Variants in ZDHHC11B observed in about 807,000 individuals in gnomAD.
ZDHHC11B encodes the protein probable palmitoyltransferase ZDHHC11B.
ZDHHC11B carries 17 observed loss-of-function variants against 42.3 expected under a neutral mutation model. The observed-to-expected ratio is 0.40, with a 90% CI of 0.27 to 0.60. The LOEUF is 0.60. Among genes scored for constraint, ZDHHC11B ranks in the 20% least tolerant of loss-of-function variants. The pLI, the probability that ZDHHC11B is intolerant of heterozygous loss-of-function variation, is 0.41. For synonymous variants in ZDHHC11B, 123 were observed against 193.5 expected (o/e 0.64, Z 3.02); for missense variants, 262 against 463.2 (o/e 0.57, Z 3.99).
At chr5:717,327 A>G (rs1176084182) in intron 12 of ZDHHC11B, among the ~76,000 whole-genome samples, 3 of 151,686 alleles carry the variant, frequency 2.0e-5, no homozygotes, top group Admixed American at 1.3e-4. Context: ...CTCTGCCCTG[A>G]TGTTACACTA....
intron 3 of ZDHHC11B, 78 bp from the exon 4 acceptor site, chr5:766,997 G>A (rs769433238): frequency 1.1e-5 from 17 of 1,507,320 alleles, no homozygotes; most frequent in African/African-American, 4.1e-5. Flanking sequence ...GGGAGACCAC[G>A]GGGACTGGGA....
rs533908584 is a variant in ZDHHC11B at position 756,191 on chromosome 5, A to G, written c.223-47T>C. 13 of 1,446,644 alleles carry G rather than the reference A, an allele frequency of 9.0e-6. No homozygotes were observed. In the African/African-American group the frequency reaches 1.8e-4, roughly 20 times the overall value. 89.6% of individuals were successfully genotyped at this position (1,446,644 alleles called of 1,614,324 possible). On this transcript the variant is annotated intron_variant, in intron 4 of 13. Coordinates refer to ENST00000508859, the MANE Select transcript of ZDHHC11B (RefSeq NM_001351303.2). The stretch of plus-strand genomic sequence containing the variant: ...TGGCCCAGGGCCTGGTCAGCCTGGC[A>G]TGAGGCGTCCCCGTGAGGCCCAAGG...
chr5:733,863 G>C, intron 10 of ZDHHC11B, 24 bp from the exon 11 acceptor site: 3 of 1,590,944 alleles, frequency 1.9e-6, no homozygotes, highest in Non-Finnish European at 2.6e-6. Context: ...AAGGAGGAGA[G>C]AAACTCATCT....
chr5:737,863 T>G (rs1390510764), intron 10 of ZDHHC11B, among the ~76,000 whole-genome samples: 3 of 142,342 alleles, frequency 2.1e-5, no homozygotes, highest in African/African-American at 7.9e-5. Context: ...TGGGGAAAAG[T>G]TGAAAACATT....
At position 777,695 on chromosome 5, in the gene ZDHHC11B, T is replaced by C. The variant is rs12516738; in HGVS notation, c.-230+6973A>G. 2.2e-4 allele frequency among the ~76,000 whole-genome samples: 33 copies of C among 151,894 alleles called. 1 individual carries two copies. Among genetic ancestry groups the C allele is most frequent in the Non-Finnish European group, 4.6e-4 (31 of 67,880 alleles). On this transcript the variant is annotated intron_variant, in intron 1 of 13. Coordinates refer to ENST00000508859, the MANE Select transcript of ZDHHC11B (RefSeq NM_001351303.2). Reference sequence around the variant, plus strand: ...TTTTGACAGAGTGCTGATTGGTGCATTGACAAGCCTTTAGCTAGACATAAA... The same window carrying C: ...TTTTGACAGAGTGCTGATTGGTGCACTGACAAGCCTTTAGCTAGACATAAA...
rs1741325236 is a variant in ZDHHC11B at position 711,018 on chromosome 5, T to A, written c.*1272A>T. On this transcript the variant is annotated 3_prime_UTR_variant, in exon 14 of 14. Transcript: ENST00000508859. Reference sequence around the variant, plus strand: ...TTTCCCAGTACTGTGAGCTCCCATTTCTCAGCGCTGTGCTCCCAATTCCCA... The same window carrying A: ...TTTCCCAGTACTGTGAGCTCCCATTACTCAGCGCTGTGCTCCCAATTCCCA... The A allele has an allele frequency of 6.7e-6, 1 of 149,984 alleles. No individual in the cohort carries two copies. Among genetic ancestry groups the A allele is most frequent in the Non-Finnish European group, 1.5e-5 (1 of 67,970 alleles). 9.3% of individuals were successfully genotyped at this position (149,984 alleles called of 1,614,324 possible).
intron 4 of ZDHHC11B, among the ~76,000 whole-genome samples, chr5:763,370 C>CG (rs138298165): frequency 0.31 from 42,984 of 136,880 alleles, 5,182 homozygotes; most frequent in South Asian, 0.44. Context: ...ACTCCCATCT[C>CG]GGGAAAAAAA....
rs201155503 is a variant in ZDHHC11B, at chr5:741,159, G to A, written c.935+435C>T. 2.8e-3 allele frequency among the ~76,000 whole-genome samples: 350 copies of A among 125,416 alleles called. No homozygotes were observed. In the East Asian group the frequency reaches 0.083, roughly 30 times the overall value. The allele number at this position is 125,416 out of a possible 152,430, so 82.3% of individuals were successfully genotyped here. ...CCCTGGCCCTGTTGGGTGGGGCTCC[G>A]GGTCAAGGCACCCCCAGTGCTCCCA... On this transcript the variant is annotated intron_variant, in intron 10 of 13. Transcript: ENST00000508859.
At chr5:775,557 G>A (rs1736404448) in intron 1 of ZDHHC11B, among the ~76,000 whole-genome samples, 1 of 151,900 alleles carries the variant, frequency 6.6e-6, no homozygotes, top group East Asian at 1.9e-4. Context: ...TGTTAACTCA[G>A]GTTCCCAGGA....
intron 6 of ZDHHC11B, among the ~76,000 whole-genome samples, chr5:753,716 C>T (rs1198785510): frequency 6.7e-6 from 1 of 148,484 alleles, no homozygotes; most frequent in Non-Finnish European, 1.5e-5. Flanking sequence ...AGCCTCTGGA[C>T]TCGCTGTGCG....
chr5:778,032 G>C (rs950526745), intron 1 of ZDHHC11B, among the ~76,000 whole-genome samples: 1 of 151,932 alleles, frequency 6.6e-6, no homozygotes, highest in Non-Finnish European at 1.5e-5. Flanking sequence ...AGTGCTGGGG[G>C]ACCCGGCGCA....
chr5:727,819 G>A (rs1241793493), intron 12 of ZDHHC11B, among the ~76,000 whole-genome samples: 16 of 150,586 alleles, frequency 1.1e-4, no homozygotes, highest in African/African-American at 3.7e-4. Context: ...TATAAGGAAA[G>A]TCAAAACAGA....
intron 4 of ZDHHC11B, 112 bp from the exon 5 acceptor site, chr5:756,256 C>T (rs1205539796): frequency 6.8e-7 from 1 of 1,464,962 alleles, no homozygotes; most frequent in African/African-American, 1.5e-5. Flanking sequence ...CCTGCTCACC[C>T]AGCCCTGCAC....
rs536553198 is a variant in ZDHHC11B, at chr5:748,129, G to A, written c.784+275C>T. On this transcript the variant is annotated intron_variant, in intron 8 of 13. Transcript: ENST00000508859. ...TTTAAACTTGTTACTTCAAGCACCC[G>A]GCAGCGCTCCTGCAGGTCTCAGCGT... 21 of 548,394 alleles carry A rather than the reference G, an allele frequency of 3.8e-5. 3 individuals carry two copies. The highest frequency in any genetic ancestry group is 2.0e-4 in the South Asian group (8 of 39,868). The allele number at this position is 548,394 out of a possible 1,614,324, so 34.0% of individuals were successfully genotyped here. A position where few individuals can be genotyped will look rare whatever the true frequency, so the allele number is the denominator to read the frequency against.
In ZDHHC11B at chr5:722,037, T is replaced by A. The variant is rs549249403; in HGVS notation, c.1059-5172A>T. 7.3e-5 allele frequency among the ~76,000 whole-genome samples: 11 copies of A among 151,602 alleles called. 1 individual carries two copies. The highest frequency in any genetic ancestry group is 1.6e-4 in the Non-Finnish European group (11 of 67,930). On this transcript the variant is annotated intron_variant, in intron 12 of 13. Transcript: ENST00000508859. Reference sequence around the variant, plus strand: ...CCATAGAGGGAAGAATGAAGTTAGATCTCTACCTCACACCATACACTGAAA... The same window carrying A: ...CCATAGAGGGAAGAATGAAGTTAGAACTCTACCTCACACCATACACTGAAA...
At chr5:754,616 T>C (rs200327333) in intron 6 of ZDHHC11B, among the ~76,000 whole-genome samples, 7,442 of 87,842 alleles carry the variant, frequency 0.085, 261 homozygotes, top group African/African-American at 0.27. Context: ...ACACCTCTCG[T>C]CCATCTGCGC....
chr5:722,193 A>G (rs1742242163), intron 12 of ZDHHC11B, among the ~76,000 whole-genome samples: 1 of 151,904 alleles, frequency 6.6e-6, no homozygotes, highest in Non-Finnish European at 1.5e-5. Context: ...TACTTATACA[A>G]TATGTATAAA....
At chr5:727,329 G>T (rs1742669008) in intron 12 of ZDHHC11B, among the ~76,000 whole-genome samples, 1 of 142,828 alleles carries the variant, frequency 7.0e-6, no homozygotes, top group Non-Finnish European at 1.6e-5. Context: ...GGTCCTTATT[G>T]TGGCTCCCAG....
At chr5:729,259 C>T (rs1440680702) in intron 12 of ZDHHC11B, among the ~76,000 whole-genome samples, 65 of 151,314 alleles carry the variant, frequency 4.3e-4, no homozygotes, top group African/African-American at 1.6e-3. Flanking sequence ...TGTCACTGGG[C>T]TTATGTCCAC....
Sources: gnomAD v4.1 joint callset for allele counts (sites outside exome capture counted in the v4.1 genomes callset) on GRCh38, gnomAD v4.1.1 for gene constraint, MANE v1.5 for transcripts, NCBI Gene and HGNC (gene_info 2026-07-23, HGNC 2026-07-21) for gene names.